The following ZNF423 variants were observed in gnomAD, a reference collection of about 807,000 sequenced individuals.
ZNF423 encodes Ebf-associated zinc finger protein.
In ZNF423, 12 loss-of-function variants were observed where a neutral mutation model predicts 95.8. The ratio of observed to expected loss-of-function variants is 0.13; its 90% CI spans 0.08 to 0.20. ZNF423 has a LOEUF of 0.20. Among genes scored for constraint, ZNF423 ranks in the 10% least tolerant of loss-of-function variants. The pLI is 1.00. For missense variants in ZNF423, 1,316 were observed against 1,737.1 expected, an observed-to-expected ratio of 0.76 and a Z score of 4.31; for synonymous variants, 749 against 711.9, an observed-to-expected ratio of 1.05 and a Z score of -0.83.
At chr16:49,822,074 G>A (rs1393327154) in intron 1 of ZNF423, among the ~76,000 whole-genome samples, 7 of 152,138 alleles carry the variant, frequency 4.6e-5, no homozygotes, top group Admixed American at 6.5e-5. Flanking sequence ...GTTGGCTGGT[G>A]AATTCCAACA....
chr16:49,849,120 G>C (rs1443485370), intron 1 of ZNF423, among the ~76,000 whole-genome samples: 1 of 152,158 alleles, frequency 6.6e-6, no homozygotes. Context: ...TGAGTCCTTA[G>C]TGGGCACACT....
At chr16:49,506,752 C>A (rs944174626) in intron 7 of ZNF423, among the ~76,000 whole-genome samples, 11 of 150,710 alleles carry the variant, frequency 7.3e-5, no homozygotes, top group South Asian at 4.2e-4. Flanking sequence ...GGTAGGTGGA[C>A]GAATGGGTAG....
intron 2 of ZNF423, among the ~76,000 whole-genome samples, chr16:49,783,436 G>C (rs1413243540): frequency 7.0e-6 from 1 of 142,630 alleles, no homozygotes; most frequent in Non-Finnish European, 1.5e-5. Context: ...TTAGTAGCAG[G>C]CTGGGATGGG....
chr16:49,704,601 G>T (rs1298321489), intron 3 of ZNF423, among the ~76,000 whole-genome samples: 1 of 152,172 alleles, frequency 6.6e-6, no homozygotes, highest in Non-Finnish European at 1.5e-5. Flanking sequence ...GTGAACATTT[G>T]CTTACTCCAT....
At chr16:49,848,308 G>A (rs1255581245) in intron 1 of ZNF423, among the ~76,000 whole-genome samples, 4 of 152,046 alleles carry the variant, frequency 2.6e-5, no homozygotes, top group African/African-American at 9.7e-5. Context: ...TGACAGCTGG[G>A]GATCCACTCA....
Position 49,815,873 on chromosome 16 carries a change from A to ACAAACAAAC in ZNF423, c.41-26328_41-26327insGTTTGTTTG, listed in dbSNP as rs1555488139. ...TTACATTCTAATTCCAAACAAACAA[A>ACAAACAAAC]AAAAAAAAATATATATATATATATA... On this transcript the variant is annotated intron_variant, in intron 1 of 7. Transcript: ENST00000563137. Among the ~76,000 whole-genome samples, 5 of 40,430 alleles carry ACAAACAAAC rather than the reference A, an allele frequency of 1.2e-4. No individual in the cohort carries two copies. The South Asian group carries it at 6.0e-3, about 48-fold the overall frequency. The allele number at this position is 40,430 out of a possible 152,430, so 26.5% of individuals were successfully genotyped here.
chr16:49,507,941 G>A lies in ZNF423; in HGVS notation c.3849+15683C>T, dbSNP rs183482809. Among the ~76,000 whole-genome samples the A allele has an allele frequency of 2.3e-3, 350 of 152,312 alleles. 1 individual carries two copies. Among genetic ancestry groups the A allele is most frequent in the Non-Finnish European group, 4.4e-3 (296 of 68,016 alleles). ...CCAAAGGGGTCACACAGAAATGTCG[G>A]CCAGGGGCTGCCAGGCCTGATTTAT... On this transcript the variant is annotated intron_variant, in intron 7 of 7. Transcript: ENST00000563137.
chr16:49,650,326 C>T (rs1414159648), intron 3 of ZNF423, among the ~76,000 whole-genome samples: 2 of 152,236 alleles, frequency 1.3e-5, no homozygotes, highest in Non-Finnish European at 2.9e-5. Flanking sequence ...GGGAAAATTA[C>T]TGCCCCTCTC....
intron 1 of ZNF423, among the ~76,000 whole-genome samples, chr16:49,836,739 T>C (rs2035124256): frequency 6.6e-6 from 1 of 152,220 alleles, no homozygotes; most frequent in African/African-American, 2.4e-5. Flanking sequence ...TGAATGCCCT[T>C]ATCCCCTCCT....
chr16:49,788,933 T>C (rs141372165), intron 2 of ZNF423, among the ~76,000 whole-genome samples: 1 of 152,208 alleles, frequency 6.6e-6, no homozygotes, highest in Admixed American at 6.5e-5. Flanking sequence ...CATCCACCTC[T>C]TTTTACAGCT....
intron 6 of ZNF423, among the ~76,000 whole-genome samples, chr16:49,524,718 C>T (rs1182554662): frequency 6.6e-6 from 1 of 152,226 alleles, no homozygotes; most frequent in African/African-American, 2.4e-5. Flanking sequence ...CCAGGGTGGG[C>T]TTCCTGCCGT....
intron 5 of ZNF423, among the ~76,000 whole-genome samples, chr16:49,619,572 G>A (rs958492184): frequency 2.7e-5 from 4 of 148,648 alleles, no homozygotes; most frequent in Non-Finnish European, 6.0e-5. Flanking sequence ...CCCTAGTTTG[G>A]GGGTTTGGCA....
At chr16:49,843,030 A>C (rs980874621) in intron 1 of ZNF423, among the ~76,000 whole-genome samples, 6 of 152,094 alleles carry the variant, frequency 3.9e-5, no homozygotes, top group African/African-American at 1.4e-4. Context: ...ACATACGGGC[A>C]AGGATTAGGA....
At chr16:49,692,930 C>T (rs1221791376) in intron 3 of ZNF423, among the ~76,000 whole-genome samples, 1 of 152,236 alleles carries the variant, frequency 6.6e-6, no homozygotes, top group East Asian at 1.9e-4. Context: ...GTGCCAGGCA[C>T]ATAGTAGGTG....
At chr16:49,546,151 T>G (rs573780806) in intron 5 of ZNF423, among the ~76,000 whole-genome samples, 28 of 152,284 alleles carry the variant, frequency 1.8e-4, no homozygotes, top group African/African-American at 6.3e-4. Flanking sequence ...GCAAGACATC[T>G]TTTCACTAAG....
chr16:49,854,868 G>A (rs1178566972), intron 1 of ZNF423: 1 of 985,312 alleles, frequency 1.0e-6, no homozygotes, highest in African/African-American at 1.7e-5. Flanking sequence ...CCACAAACGC[G>A]CGCACCCCGG....
intron 5 of ZNF423, among the ~76,000 whole-genome samples, chr16:49,564,077 C>T (rs1376125406): frequency 6.6e-6 from 1 of 152,222 alleles, no homozygotes; most frequent in Non-Finnish European, 1.5e-5. Context: ...GCCACATCTG[C>T]AGCTGATGGA....
At chr16:49,794,561 G>A (rs17283573) in intron 1 of ZNF423, among the ~76,000 whole-genome samples, 13,271 of 152,236 alleles carry the variant, frequency 0.087, 708 homozygotes, top group Middle Eastern at 0.15. Context: ...TCAAGCACAC[G>A]TGCAGGCATG....
At chr16:49,853,248 C>T (rs1372892399) in intron 1 of ZNF423, among the ~76,000 whole-genome samples, 4 of 141,378 alleles carry the variant, frequency 2.8e-5, no homozygotes, top group Non-Finnish European at 6.0e-5. Flanking sequence ...TGGTGTGGAG[C>T]TGTCCACACT....
Sources: allele counts gnomAD v4.1 joint callset (sites outside exome capture counted in the v4.1 genomes callset), GRCh38; gene constraint gnomAD v4.1.1; transcripts MANE v1.5; gene names NCBI Gene and HGNC (gene_info 2026-07-23, HGNC 2026-07-21).